Variants in KCTD8 observed in about 807,000 individuals in gnomAD.
KCTD8 encodes the protein potassium channel tetramerization domain containing 8, also known as BTB/POZ domain-containing protein KCTD8.
In KCTD8, 27 loss-of-function variants were observed where a neutral mutation model predicts 31.5. The ratio of observed to expected loss-of-function variants is 0.86; its 90% CI spans 0.63 to 1.18. The LOEUF is 1.18. Among genes scored for constraint, KCTD8 ranks in the 50% most tolerant of loss-of-function variants. The pLI, the probability that KCTD8 is intolerant of heterozygous loss-of-function variation, is 0.00. For missense variants in KCTD8, 658 were observed against 647.7 expected (o/e 1.02, Z -0.17); for synonymous variants, 290 against 280.0 (o/e 1.04, Z -0.36).
Position 44,177,383 on chromosome 4 carries a change from T to C in KCTD8, c.962-2133A>G, listed in dbSNP as rs921983612. 3.9e-5 allele frequency among the ~76,000 whole-genome samples: 6 copies of C among 152,252 alleles called. No individual in the cohort carries two copies. The South Asian group carries it at 1.2e-3, about 32-fold the overall frequency. Reference sequence around the variant, plus strand: ...GTCTCCCTCTCCCTTCTCTTCTCCTTCCCTCTTCTACCACCCCTCTTGAGG... The same window carrying C: ...GTCTCCCTCTCCCTTCTCTTCTCCTCCCCTCTTCTACCACCCCTCTTGAGG... On this transcript the variant is annotated intron_variant, in intron 1 of 1. Coordinates refer to ENST00000360029, the MANE Select transcript of KCTD8 (RefSeq NM_198353.3).
At chr4:44,387,342 T>C (rs972176114) in intron 1 of KCTD8, among the ~76,000 whole-genome samples, 6 of 151,482 alleles carry the variant, frequency 4.0e-5, no homozygotes, top group African/African-American at 1.5e-4. Flanking sequence ...AAACTACCAC[T>C]GCCATTCTTA....
chr4:44,220,278 G>T (rs1173596626), intron 1 of KCTD8, among the ~76,000 whole-genome samples: 1 of 152,266 alleles, frequency 6.6e-6, no homozygotes, highest in Middle Eastern at 3.4e-3. Flanking sequence ...CAGTAAAAGA[G>T]GCAAGTCTGG....
At chr4:44,215,834 G>T (rs1345865803) in intron 1 of KCTD8, among the ~76,000 whole-genome samples, 1 of 152,150 alleles carries the variant, frequency 6.6e-6, no homozygotes. Context: ...AAAGAGCAGG[G>T]TCTGCCTTAA....
chr4:44,311,043 G>T (rs2109399112), intron 1 of KCTD8, among the ~76,000 whole-genome samples: 1 of 142,410 alleles, frequency 7.0e-6, no homozygotes, highest in South Asian at 2.3e-4. Flanking sequence ...TCATCTTGAT[G>T]ATTCCTCTTA....
rs1202377050 is a variant in KCTD8 at position 44,246,449 on chromosome 4, T to C, written c.962-71199A>G. ...CTCTTCAAGGAATATGCTCCATTGC[T>C]CATACCTAATTTCTCCTAAATTTTT... On this transcript the variant is annotated intron_variant, in intron 1 of 1. Coordinates refer to ENST00000360029, the MANE Select transcript of KCTD8 (RefSeq NM_198353.3). Among the ~76,000 whole-genome samples the C allele has an allele frequency of 3.3e-5, 5 of 152,064 alleles. No homozygotes were observed. The South Asian group carries it at 8.3e-4, about 25-fold the overall frequency.
intron 1 of KCTD8, among the ~76,000 whole-genome samples, chr4:44,336,587 A>G (rs1348320951): frequency 6.6e-6 from 1 of 152,260 alleles, no homozygotes; most frequent in Admixed American, 6.5e-5. Flanking sequence ...AAGCGTTACA[A>G]CTATGAGAGA....
chr4:44,190,519 A>T (rs1362961076), intron 1 of KCTD8, among the ~76,000 whole-genome samples: 1 of 152,190 alleles, frequency 6.6e-6, no homozygotes, highest in African/African-American at 2.4e-5. Context: ...AGGCTAAAGT[A>T]CTATATTTAT....
At chr4:44,218,247 C>A (rs1278358270) in intron 1 of KCTD8, among the ~76,000 whole-genome samples, 2 of 149,470 alleles carry the variant, frequency 1.3e-5, no homozygotes, top group Admixed American at 1.4e-4. Flanking sequence ...AATTCTCCTG[C>A]CTCAGCTTCC....
At chr4:44,352,578 T>G (rs1461125031) in intron 1 of KCTD8, among the ~76,000 whole-genome samples, 1 of 138,938 alleles carries the variant, frequency 7.2e-6, no homozygotes, top group Non-Finnish European at 1.6e-5. Context: ...TTATTTCTAT[T>G]AAAAATAGAA....
Position 44,363,210 on chromosome 4 carries a change from G to A in KCTD8, c.961+84353C>T, listed in dbSNP as rs150906238. Among the ~76,000 whole-genome samples the A allele has an allele frequency of 8.0e-3, 1,219 of 152,146 alleles. 21 individuals are homozygous for A. Among genetic ancestry groups the A allele is most frequent in the East Asian group, 0.033 (173 of 5,174 alleles). The stretch of plus-strand genomic sequence containing the variant: ...ATCAAATCACAGAATTATTAGAAGA[G>A]AATCAGTAACTGAAACTCCTCCGGC... On this transcript the variant is annotated intron_variant, in intron 1 of 1. Coordinates refer to ENST00000360029, the MANE Select transcript of KCTD8 (RefSeq NM_198353.3).
chr4:44,404,160 AC>A (rs1458167688), intron 1 of KCTD8, among the ~76,000 whole-genome samples: 1 of 152,012 alleles, frequency 6.6e-6, no homozygotes, highest in Non-Finnish European at 1.5e-5. Flanking sequence ...AAACATGTAG[AC>A]TCCATTTTAA....
chr4:44,313,591 T>C (rs1410383744), intron 1 of KCTD8, among the ~76,000 whole-genome samples: 12 of 152,200 alleles, frequency 7.9e-5, no homozygotes, highest in Non-Finnish European at 1.8e-4. Context: ...GTAATTGCCG[T>C]TCATTTAACC....
chr4:44,264,021 T>G (rs542955571), intron 1 of KCTD8, among the ~76,000 whole-genome samples: 12 of 152,352 alleles, frequency 7.9e-5, no homozygotes, highest in African/African-American at 2.6e-4. Context: ...CAAAGTAAGT[T>G]ATCTCCTTTT....
chr4:44,383,850 A>G (rs1366587534), intron 1 of KCTD8, among the ~76,000 whole-genome samples: 1 of 152,078 alleles, frequency 6.6e-6, no homozygotes, highest in African/African-American at 2.4e-5. Context: ...AAACCTCTGC[A>G]TAGCAAAGGA....
chr4:44,258,541 G>T (rs1310010144), intron 1 of KCTD8, among the ~76,000 whole-genome samples: 1 of 151,820 alleles, frequency 6.6e-6, no homozygotes, highest in East Asian at 1.9e-4. Context: ...ATTTCTGGTT[G>T]TGTACCTATT....
chr4:44,374,252 A>C lies in KCTD8; in HGVS notation c.961+73311T>G, dbSNP rs552306869. Among the ~76,000 whole-genome samples, 4 of 152,350 alleles carry C rather than the reference A, an allele frequency of 2.6e-5. No homozygotes were observed. The South Asian group carries it at 8.3e-4, about 32-fold the overall frequency. ...TGAATGGAAAGGACAATCAAGCTGC[A>C]GAGGAGAGAACAGCGGGCTGACCTA... is the stretch of plus-strand genomic sequence containing the variant. On this transcript the variant is annotated intron_variant, in intron 1 of 1. Transcript: ENST00000360029.
chr4:44,373,534 C>T (rs1319789515), intron 1 of KCTD8, among the ~76,000 whole-genome samples: 1 of 152,046 alleles, frequency 6.6e-6, no homozygotes, highest in East Asian at 1.9e-4. Context: ...CACACAGTGT[C>T]ATTATGCAGA....
chr4:44,200,427 A>T (rs1478667674), intron 1 of KCTD8, among the ~76,000 whole-genome samples: 1 of 152,104 alleles, frequency 6.6e-6, no homozygotes, highest in Admixed American at 6.6e-5. Flanking sequence ...TAGCAAACAG[A>T]ATCCAGCAGC....
chr4:44,237,130 A>C (rs76730432), intron 1 of KCTD8, among the ~76,000 whole-genome samples: 3,519 of 152,332 alleles, frequency 0.023, 147 homozygotes, highest in African/African-American at 0.081. Context: ...CTAAAGCTAA[A>C]AAGCTGTGGT....
Sources: gnomAD v4.1 joint callset for allele counts (sites outside exome capture counted in the v4.1 genomes callset) on GRCh38, gnomAD v4.1.1 for gene constraint, MANE v1.5 for transcripts, NCBI Gene and HGNC (gene_info 2026-07-23, HGNC 2026-07-21) for gene names.